The following PDLIM5 variants were observed in gnomAD, a reference collection of about 807,000 sequenced individuals.
PDLIM5 encodes the protein PDZ and LIM domain protein 5.
Under a neutral mutation model 64.2 loss-of-function variants are expected in PDLIM5, and 34 were observed. The observed-to-expected ratio is 0.53, with a 90% CI of 0.40 to 0.71. The LOEUF is 0.71. Ranked by LOEUF, PDLIM5 falls within the 30% of genes least tolerant of loss-of-function variation. The pLI is 0.00. For synonymous variants in PDLIM5, 253 were observed against 269.1 expected (o/e 0.94, Z 0.59); for missense variants, 683 against 733.6 (o/e 0.93, Z 0.80).
At chr4:94,608,079 A>T in intron 7 of PDLIM5, 1 of 1,532,484 alleles carries the variant, frequency 6.5e-7, no homozygotes, top group South Asian at 1.2e-5. Context: ...GCTCTGGAAG[A>T]CCTACCTAAG....
At chr4:94,599,281 GT>G (rs1192673438) in intron 7 of PDLIM5, among the ~76,000 whole-genome samples, 2 of 152,102 alleles carry the variant, frequency 1.3e-5, no homozygotes, top group Non-Finnish European at 2.9e-5. Flanking sequence ...CATTGGATAG[GT>G]TTGTATTTTA....
chr4:94,653,100 A>C (rs1399184000), intron 9 of PDLIM5, among the ~76,000 whole-genome samples: 2 of 152,200 alleles, frequency 1.3e-5, no homozygotes, highest in Non-Finnish European at 2.9e-5. Flanking sequence ...TCTGATGCTT[A>C]CCAACAATTA....
chr4:94,587,762 G>A (rs993983403), intron 7 of PDLIM5: 1 of 971,988 alleles, frequency 1.0e-6, no homozygotes, highest in Non-Finnish European at 1.2e-6. Context: ...GGTTGGATTT[G>A]CAAATCCTAT....
intron 2 of PDLIM5, among the ~76,000 whole-genome samples, chr4:94,470,804 C>T (rs941643940): frequency 2.6e-5 from 4 of 152,088 alleles, no homozygotes; most frequent in Admixed American, 1.3e-4. Context: ...TAACTTCATA[C>T]TTCATATTTG....
At chr4:94,643,475 A>G (rs1182926469) in intron 9 of PDLIM5, among the ~76,000 whole-genome samples, 1 of 152,010 alleles carries the variant, frequency 6.6e-6, no homozygotes. Flanking sequence ...ATCATATTTC[A>G]GTTTCCGTGG....
intron 3 of PDLIM5, among the ~76,000 whole-genome samples, chr4:94,542,436 G>C (rs1731903808): frequency 6.6e-6 from 1 of 152,068 alleles, no homozygotes. Flanking sequence ...TTTATTAAGG[G>C]GTACATTTTT....
chr4:94,657,953 C>T (rs1471316051), intron 11 of PDLIM5, among the ~76,000 whole-genome samples: 2 of 152,188 alleles, frequency 1.3e-5, no homozygotes, highest in Non-Finnish European at 2.9e-5. Context: ...TGATCCACCT[C>T]CCAAAGTGCC....
chr4:94,533,823 T>C (rs1314550157), intron 3 of PDLIM5, among the ~76,000 whole-genome samples: 2 of 152,090 alleles, frequency 1.3e-5, no homozygotes, highest in African/African-American at 4.8e-5. Context: ...CAAAAATGGG[T>C]GTGGCTGAGG....
chr4:94,665,337 C>A lies in PDLIM5; in HGVS notation c.*1270C>A. The stretch of plus-strand genomic sequence containing the variant: ...TCTCTACTAAAAATACAAAAATGAG[C>A]TGGGCATGGTGGGGCGTGCCTGTAG... On this transcript the variant is annotated 3_prime_UTR_variant, in exon 13 of 13. Transcript: ENST00000317968. 4.2e-6 allele frequency: 1 copy of A among 237,234 alleles called. No individual in the cohort carries two copies. Among genetic ancestry groups the A allele is most frequent in the Non-Finnish European group, 6.9e-6 (1 of 145,630 alleles). The allele number at this position is 237,234 out of a possible 1,614,324, so 14.7% of individuals were successfully genotyped here. A position where few individuals can be genotyped will look rare whatever the true frequency, so the allele number is the denominator to read the frequency against.
At chr4:94,454,412 A>G (rs1685535168) in intron 1 of PDLIM5, among the ~76,000 whole-genome samples, 1 of 151,980 alleles carries the variant, frequency 6.6e-6, no homozygotes, top group South Asian at 2.1e-4. Context: ...CAGAACAGAC[A>G]AAAGAAAGCA....
At chr4:94,476,072 A>G (rs569908141) in intron 2 of PDLIM5, among the ~76,000 whole-genome samples, 2 of 152,326 alleles carry the variant, frequency 1.3e-5, no homozygotes, top group African/African-American at 4.8e-5. Flanking sequence ...TTTCTAAGCT[A>G]AAAACAAATA....
At chr4:94,473,058 A>G (rs933736214) in intron 2 of PDLIM5, among the ~76,000 whole-genome samples, 2 of 149,442 alleles carry the variant, frequency 1.3e-5, no homozygotes, top group Admixed American at 6.7e-5. Flanking sequence ...TGGGGCTTAC[A>G]TAATTTGTAG....
At chr4:94,569,915 G>A (rs532548542) in intron 3 of PDLIM5, among the ~76,000 whole-genome samples, 5 of 152,064 alleles carry the variant, frequency 3.3e-5, no homozygotes, top group Admixed American at 1.3e-4. Context: ...TATCACTCAC[G>A]CTCTGCCCTA....
chr4:94,657,745 TGCCCAGACTGCAGTGCAATG>T (rs1475283776), intron 11 of PDLIM5, among the ~76,000 whole-genome samples, 198 bp downstream of exon 11: 2 of 152,296 alleles, frequency 1.3e-5, no homozygotes, highest in African/African-American at 4.8e-5. Context: ...TCACCCTTGT[TGCCCAGACTGCAGTGCAATG>T]GCCCAATCTC....
At chr4:94,501,070 C>T (rs2110082136) in intron 2 of PDLIM5, among the ~76,000 whole-genome samples, 1 of 140,912 alleles carries the variant, frequency 7.1e-6, no homozygotes, top group South Asian at 2.2e-4. Flanking sequence ...GTGTGAGCCA[C>T]TATACCTGGC....
chr4:94,626,243 G>A (rs1739685664), intron 8 of PDLIM5, among the ~76,000 whole-genome samples: 1 of 152,168 alleles, frequency 6.6e-6, no homozygotes, highest in East Asian at 1.9e-4. Context: ...ACATTTAACA[G>A]TAGAATGATG....
intron 7 of PDLIM5, among the ~76,000 whole-genome samples, chr4:94,604,956 T>C (rs1468514408): frequency 6.6e-6 from 1 of 152,100 alleles, no homozygotes; most frequent in East Asian, 1.9e-4. Context: ...TCATAGAGTG[T>C]TGGGGGTTGG....
intron 2 of PDLIM5, chr4:94,456,071 C>G (rs1723320114): frequency 8.9e-7 from 1 of 1,127,154 alleles, no homozygotes. Context: ...GACTATATGT[C>G]AGGTACTGTT....
chr4:94,659,485 TA>T, intron 11 of PDLIM5, among the ~76,000 whole-genome samples: 1 of 117,860 alleles, frequency 8.5e-6, no homozygotes, highest in East Asian at 2.7e-4. Flanking sequence ...CTGTAGTATA[TA>T]TGTGTGTATG....
Sources: allele counts gnomAD v4.1 joint callset (sites outside exome capture counted in the v4.1 genomes callset), GRCh38; gene constraint gnomAD v4.1.1; transcripts MANE v1.5; gene names NCBI Gene and HGNC (gene_info 2026-07-23, HGNC 2026-07-21).